Variants in SMYD3 observed in about 807,000 individuals in gnomAD.
The protein encoded by SMYD3 is histone-lysine N-methyltransferase SMYD3.
SMYD3 carries 36 observed loss-of-function variants against 57.7 expected under a neutral mutation model. That is an observed-to-expected ratio of 0.62 (90% confidence interval 0.48 to 0.82). The LOEUF is 0.82. Ranked by LOEUF, SMYD3 falls within the 40% of genes least tolerant of loss-of-function variation. The pLI is 0.00. For synonymous variants in SMYD3, 211 were observed against 195.0 expected, an observed-to-expected ratio of 1.08 and a Z score of -0.68; for missense variants, 515 against 538.8, an observed-to-expected ratio of 0.96 and a Z score of 0.44.
chr1:246,463,833 CAAAAAAAAAA>C (rs35826530), intron 1 of SMYD3, among the ~76,000 whole-genome samples: 3 of 70,472 alleles, frequency 4.3e-5, no homozygotes, highest in South Asian at 6.0e-4. Context: ...GACCCCGTCT[CAAAAAAAAAA>C]AAAAAAAAAA....
At chr1:246,363,348 C>T (rs1387758526) in intron 1 of SMYD3, among the ~76,000 whole-genome samples, 6 of 151,724 alleles carry the variant, frequency 4.0e-5, no homozygotes, top group African/African-American at 1.2e-4. Context: ...AGGTGAGGGG[C>T]GCCTCTGCCC....
intron 5 of SMYD3, among the ~76,000 whole-genome samples, chr1:246,187,950 C>G (rs946095301): frequency 8.6e-5 from 13 of 151,910 alleles, no homozygotes; most frequent in Admixed American, 3.3e-4. Flanking sequence ...ACATTCCTCA[C>G]GTGCACTGAG....
intron 5 of SMYD3, among the ~76,000 whole-genome samples, chr1:246,001,214 T>C (rs1008321149): frequency 6.6e-6 from 1 of 152,190 alleles, no homozygotes; most frequent in Non-Finnish European, 1.5e-5. Context: ...TTGTAATTTG[T>C]TAGTGTGAAT....
chr1:246,149,167 A>T (rs1479954812), intron 5 of SMYD3, among the ~76,000 whole-genome samples: 3 of 152,218 alleles, frequency 2.0e-5, no homozygotes, highest in African/African-American at 7.2e-5. Flanking sequence ...TTTGCATTTC[A>T]ATTAAATGAT....
intron 5 of SMYD3, among the ~76,000 whole-genome samples, chr1:246,147,679 C>G (rs924964058): frequency 6.6e-6 from 1 of 151,770 alleles, no homozygotes; most frequent in African/African-American, 2.4e-5. Context: ...TGCTGGAGAT[C>G]GGAGCTTCCC....
intron 10 of SMYD3, among the ~76,000 whole-genome samples, chr1:245,828,966 G>A (rs934485767): frequency 4.0e-5 from 6 of 151,822 alleles, no homozygotes; most frequent in African/African-American, 1.5e-4. Context: ...GCCTCCCAAA[G>A]TGCTGGGGTT....
chr1:245,889,201 C>T (rs2053247248), intron 8 of SMYD3, among the ~76,000 whole-genome samples: 1 of 152,140 alleles, frequency 6.6e-6, no homozygotes, highest in African/African-American at 2.4e-5. Flanking sequence ...AAGCATAAGC[C>T]TTCAAGTTCA....
chr1:245,793,161 G>T (rs112632614), intron 10 of SMYD3, among the ~76,000 whole-genome samples: 1,544 of 148,914 alleles, frequency 0.01, 7 homozygotes, highest in Middle Eastern at 0.027. Flanking sequence ...TACAAAAAAT[G>T]AGCCGGGCAT....
intron 5 of SMYD3, among the ~76,000 whole-genome samples, chr1:246,252,741 A>G (rs1361290766): frequency 6.6e-6 from 1 of 152,196 alleles, no homozygotes; most frequent in Non-Finnish European, 1.5e-5. Flanking sequence ...CAAAACCTAT[A>G]GAATTTGTGT....
At chr1:246,362,657 T>A (rs868488958) in intron 1 of SMYD3, among the ~76,000 whole-genome samples, 3 of 152,254 alleles carry the variant, frequency 2.0e-5, no homozygotes, top group African/African-American at 7.2e-5. Flanking sequence ...GAGACGGGGT[T>A]TCGCTGTGTT....
chr1:245,810,608 C>A (rs1432060765), intron 10 of SMYD3, among the ~76,000 whole-genome samples: 1 of 152,134 alleles, frequency 6.6e-6, no homozygotes, highest in Non-Finnish European at 1.5e-5. Flanking sequence ...AACTGATCAT[C>A]CCTCTGACCT....
chr1:246,008,708 G>A (rs765568142), intron 5 of SMYD3, among the ~76,000 whole-genome samples: 17 of 152,128 alleles, frequency 1.1e-4, no homozygotes, highest in Non-Finnish European at 2.1e-4. Flanking sequence ...AGTAGTGTTT[G>A]CACACAAAGC....
chr1:245,793,159 A>G (rs1161091895), intron 10 of SMYD3, among the ~76,000 whole-genome samples: 1 of 149,340 alleles, frequency 6.7e-6, no homozygotes, highest in Non-Finnish European at 1.5e-5. Flanking sequence ...AATACAAAAA[A>G]TGAGCCGGGC....
At chr1:245,793,144 C>T (rs1353193141) in intron 10 of SMYD3, among the ~76,000 whole-genome samples, 1 of 148,028 alleles carries the variant, frequency 6.8e-6, no homozygotes, top group African/African-American at 2.5e-5. Context: ...CCCGTCTCTA[C>T]TAAAAATACA....
intron 5 of SMYD3, among the ~76,000 whole-genome samples, chr1:246,272,408 T>C (rs2064239267): frequency 6.6e-6 from 1 of 152,232 alleles, no homozygotes; most frequent in Non-Finnish European, 1.5e-5. Context: ...ATGTTAGCTA[T>C]GGGTTTTTCA....
intron 5 of SMYD3, among the ~76,000 whole-genome samples, chr1:246,170,475 T>C (rs915478089): frequency 6.6e-6 from 1 of 151,940 alleles, no homozygotes; most frequent in African/African-American, 2.4e-5. Context: ...AGGATTGCTA[T>C]GAATAATTTT....
chr1:245,865,935 C>T (rs765605789), intron 8 of SMYD3, among the ~76,000 whole-genome samples: 31 of 152,164 alleles, frequency 2.0e-4, no homozygotes, highest in African/African-American at 3.4e-4. Context: ...AGACTTTCAA[C>T]GGGTGTCAGA....
chr1:245,787,545 A>C (rs2047096257), intron 10 of SMYD3, among the ~76,000 whole-genome samples: 1 of 151,996 alleles, frequency 6.6e-6, no homozygotes, highest in African/African-American at 2.4e-5. Context: ...CCTTCTCCAG[A>C]GCAGCTTTCT....
At chr1:245,968,948 T>C (rs1025377451) in intron 5 of SMYD3, among the ~76,000 whole-genome samples, 1 of 152,190 alleles carries the variant, frequency 6.6e-6, no homozygotes, top group African/African-American at 2.4e-5. Flanking sequence ...ATTGATAATA[T>C]TCTGCATCAT....
Sources: gnomAD v4.1 joint callset for allele counts (sites outside exome capture counted in the v4.1 genomes callset) on GRCh38, gnomAD v4.1.1 for gene constraint, MANE v1.5 for transcripts, NCBI Gene and HGNC (gene_info 2026-07-23, HGNC 2026-07-21) for gene names.